CSMD3: variants seen among roughly 807,000 people sequenced by gnomAD.
The protein encoded by CSMD3 is CUB and sushi domain-containing protein 3.
CSMD3 carries 177 observed loss-of-function variants against 435.2 expected under a neutral mutation model. The ratio of observed to expected loss-of-function variants is 0.41; its 90% CI spans 0.36 to 0.46. The LOEUF (loss-of-function observed/expected upper bound fraction) is 0.46. Ranked by LOEUF, CSMD3 falls within the 20% of genes least tolerant of loss-of-function variation. CSMD3 has a pLI of 0.34. For missense variants in CSMD3, 4,265 were observed against 4,504.6 expected (o/e 0.95, Z 1.52); for synonymous variants, 1,656 against 1,520.5 (o/e 1.09, Z -2.07).
chr8:112,265,529 C>A lies in CSMD3; in HGVS notation c.9570G>T (p.Val3190=), dbSNP rs1275354320. ...ACATGTAAGAAACATTTTGTCCAAC[C>A]ACATAATCATCTCCATATCTCAGTC... ...ANGLRYGDDY[V]VGQNVSYMCQ... The change falls in exon 60 of 71, where the codon GTG becomes GTT. Residue 3190 remains valine, a synonymous_variant. Coordinates refer to ENST00000297405, the MANE Select transcript of CSMD3 (RefSeq NM_198123.2). 2.5e-6 allele frequency: 4 copies of A among 1,613,440 alleles called. No homozygotes were observed. The highest frequency in any genetic ancestry group is 3.4e-6 in the Non-Finnish European group (4 of 1,179,580).
At chr8:113,305,340 T>C (rs1409653011) in intron 2 of CSMD3, among the ~76,000 whole-genome samples, 2 of 152,102 alleles carry the variant, frequency 1.3e-5, no homozygotes, top group African/African-American at 4.8e-5. Flanking sequence ...AAAATGAATG[T>C]TTATGGAGCG....
chr8:113,400,197 C>G (rs1419912219), intron 1 of CSMD3, among the ~76,000 whole-genome samples: 1 of 151,868 alleles, frequency 6.6e-6, no homozygotes, highest in Admixed American at 6.6e-5. Flanking sequence ...TGAAATTTCC[C>G]ATTTCAAATG....
At chr8:113,155,971 T>C (rs2091920869) in intron 4 of CSMD3, among the ~76,000 whole-genome samples, 1 of 152,104 alleles carries the variant, frequency 6.6e-6, no homozygotes, top group Non-Finnish European at 1.5e-5. Context: ...TCTTTGTTTT[T>C]TTAATTCCTG....
chr8:113,263,426 A>G (rs1295404770), intron 3 of CSMD3, among the ~76,000 whole-genome samples: 3 of 151,980 alleles, frequency 2.0e-5, no homozygotes, highest in African/African-American at 7.2e-5. Flanking sequence ...GTCAATTCAC[A>G]TTTCCTGACA....
At chr8:113,207,528 A>G (rs2092785553) in intron 3 of CSMD3, among the ~76,000 whole-genome samples, 1 of 151,748 alleles carries the variant, frequency 6.6e-6, no homozygotes, top group Admixed American at 6.6e-5. Flanking sequence ...GATTACAGGC[A>G]TGCACCACCA....
At chr8:113,042,500 A>G (rs541130602) in intron 5 of CSMD3, among the ~76,000 whole-genome samples, 1 of 152,300 alleles carries the variant, frequency 6.6e-6, no homozygotes, top group East Asian at 1.9e-4. Context: ...TAGCATTATA[A>G]TATAATCTAA....
intron 7 of CSMD3, among the ~76,000 whole-genome samples, chr8:112,965,970 C>T (rs2084400787): frequency 6.6e-6 from 1 of 151,506 alleles, no homozygotes; most frequent in South Asian, 2.1e-4. Flanking sequence ...TATTAAATAG[C>T]TCTATAAACA....
chr8:112,827,164 A>T (rs5894105), intron 12 of CSMD3, among the ~76,000 whole-genome samples: 10,412 of 80,816 alleles, frequency 0.13, 1,927 homozygotes, highest in East Asian at 0.3. Flanking sequence ...GGTTACCATA[A>T]ATATATATAT....
chr8:113,266,470 T>C (rs912556444), intron 3 of CSMD3, among the ~76,000 whole-genome samples: 2 of 151,434 alleles, frequency 1.3e-5, no homozygotes, highest in Non-Finnish European at 3.0e-5. Context: ...CAGCTAACAG[T>C]TCTAAATTAA....
chr8:112,298,360 T>C (rs1159279408), intron 53 of CSMD3, among the ~76,000 whole-genome samples: 1 of 152,064 alleles, frequency 6.6e-6, no homozygotes, highest in Non-Finnish European at 1.5e-5. Context: ...AGATACAAAG[T>C]GCAAGTAAAA....
chr8:113,242,927 A>C (rs1483893002), intron 3 of CSMD3, among the ~76,000 whole-genome samples: 2 of 151,976 alleles, frequency 1.3e-5, no homozygotes, highest in African/African-American at 4.8e-5. Flanking sequence ...CTGGCTTTCT[A>C]TAAATTTAAA....
At chr8:112,501,364 C>T (rs1821936663) in intron 30 of CSMD3, among the ~76,000 whole-genome samples, 1 of 149,726 alleles carries the variant, frequency 6.7e-6, no homozygotes, top group South Asian at 2.1e-4. Flanking sequence ...TGCACTCCGG[C>T]CTGAGTGACA....
chr8:112,766,133 G>A (rs1020731954), intron 13 of CSMD3, among the ~76,000 whole-genome samples: 12 of 151,814 alleles, frequency 7.9e-5, no homozygotes, highest in Non-Finnish European at 1.2e-4. Context: ...GTGGAGAGGA[G>A]TTGGATACAG....
chr8:113,174,190 A>G (rs2092313644), intron 3 of CSMD3, among the ~76,000 whole-genome samples: 1 of 152,160 alleles, frequency 6.6e-6, no homozygotes, highest in South Asian at 2.1e-4. Flanking sequence ...ATTAATATTT[A>G]CTCAGATAAG....
At chr8:112,392,944 C>T (rs575148987) in intron 35 of CSMD3, among the ~76,000 whole-genome samples, 1 of 148,390 alleles carries the variant, frequency 6.7e-6, no homozygotes, top group South Asian at 2.1e-4. Flanking sequence ...TAGCTCACTG[C>T]AGCCTCAAAT....
rs145845543 is a variant in CSMD3 at position 112,557,312 on chromosome 8, G to A, written c.4043-358C>T. ...ATTTGTTCTTTGTCCCTGATTCCTGGCACAGAGCTCCTAAAAGTCTTGGAA... is the reference window on the plus strand; with the variant it reads ...ATTTGTTCTTTGTCCCTGATTCCTGACACAGAGCTCCTAAAAGTCTTGGAA... On this transcript the variant is annotated intron_variant, in intron 24 of 70. Coordinates refer to ENST00000297405, the MANE Select transcript of CSMD3 (RefSeq NM_198123.2). 5.3e-5 allele frequency among the ~76,000 whole-genome samples: 8 copies of A among 151,910 alleles called. No homozygotes were observed. In the East Asian group the frequency reaches 1.6e-3, roughly 30 times the overall value.
chr8:112,460,376 A>C (rs986444108), intron 32 of CSMD3, among the ~76,000 whole-genome samples: 1 of 152,018 alleles, frequency 6.6e-6, no homozygotes, highest in African/African-American at 2.4e-5. Context: ...AAAGGGGTTA[A>C]GTAAAAGAGA....
intron 32 of CSMD3, among the ~76,000 whole-genome samples, chr8:112,436,901 T>C (rs563131977): frequency 6.6e-6 from 1 of 152,054 alleles, no homozygotes; most frequent in Non-Finnish European, 1.5e-5. Flanking sequence ...ACATATGGCA[T>C]TTGAATGAAT....
intron 3 of CSMD3, among the ~76,000 whole-genome samples, chr8:113,246,538 T>C (rs778559684): frequency 2.0e-5 from 3 of 152,118 alleles, no homozygotes; most frequent in African/African-American, 7.2e-5. Context: ...TTAAAACTTA[T>C]TTAAAGTCTT....
Sources: gnomAD v4.1 joint callset for allele counts (sites outside exome capture counted in the v4.1 genomes callset) on GRCh38, gnomAD v4.1.1 for gene constraint, MANE v1.5 for transcripts, NCBI Gene and HGNC (gene_info 2026-07-23, HGNC 2026-07-21) for gene names.